Variants in HYDIN observed in about 807,000 individuals in gnomAD.
HYDIN encodes axonemal central pair apparatus protein HYDIN.
Under a neutral mutation model 403.9 loss-of-function variants are expected in HYDIN, and 132 were observed. That is an observed-to-expected ratio of 0.33 (90% CI 0.28 to 0.38). HYDIN has a LOEUF of 0.38. Ranked by LOEUF, HYDIN falls within the 10% of genes least tolerant of loss-of-function variation. The probability of loss-of-function intolerance (pLI) is 1.00; values close to 1 mark genes in which losing one functional copy is unlikely to be tolerated. For missense variants in HYDIN, 2,827 were observed against 5,009.5 expected (o/e 0.56, Z 13.15); for synonymous variants, 1,202 against 1,891.7 (o/e 0.64, Z 9.46).
At chr16:71,161,229 G>A (rs1203329866) in intron 6 of HYDIN, among the ~76,000 whole-genome samples, 1 of 151,088 alleles carries the variant, frequency 6.6e-6, no homozygotes, top group Non-Finnish European at 1.5e-5. Flanking sequence ...TCACAATAGG[G>A]TGTGTGCTCC....
intron 49 of HYDIN, among the ~76,000 whole-genome samples, chr16:70,907,703 C>T (rs1236921182): frequency 1.3e-5 from 2 of 152,134 alleles, no homozygotes; most frequent in Middle Eastern, 3.4e-3. Context: ...GTGGTGTCTT[C>T]TATAATGAGG....
chr16:70,830,815 G>A (rs2036928069), intron 80 of HYDIN, among the ~76,000 whole-genome samples: 1 of 152,170 alleles, frequency 6.6e-6, no homozygotes, highest in Admixed American at 6.5e-5. Flanking sequence ...TTCAGTGAGA[G>A]ATCGGGAGCT....
intron 60 of HYDIN, among the ~76,000 whole-genome samples, chr16:70,880,018 CCT>C (rs1416657682): frequency 3.7e-5 from 2 of 54,102 alleles, no homozygotes; most frequent in Admixed American, 2.0e-4. Context: ...CTACCCCACC[CCT>C]GTCAACTAAA....
chr16:70,842,731 C>G (rs1277860717), intron 75 of HYDIN, among the ~76,000 whole-genome samples: 1 of 151,984 alleles, frequency 6.6e-6, no homozygotes, highest in Non-Finnish European at 1.5e-5. Context: ...AATGTAATTA[C>G]TGATAAGGTA....
intron 18 of HYDIN, among the ~76,000 whole-genome samples, chr16:71,043,908 G>A (rs1452816340): frequency 6.7e-6 from 1 of 149,604 alleles, no homozygotes; most frequent in East Asian, 2.0e-4. Flanking sequence ...GGGTAAAATA[G>A]TGAGACCTCA....
chr16:71,037,699 C>T (rs2081138381), intron 18 of HYDIN, among the ~76,000 whole-genome samples: 1 of 151,902 alleles, frequency 6.6e-6, no homozygotes, highest in Non-Finnish European at 1.5e-5. Context: ...CGAGGGCCAC[C>T]AAAAAAACTG....
At chr16:70,846,352 T>C (rs547309057) in intron 75 of HYDIN, among the ~76,000 whole-genome samples, 2 of 151,452 alleles carry the variant, frequency 1.3e-5, no homozygotes, top group Admixed American at 6.6e-5. Context: ...TTGAGCGGCT[T>C]TGAGTGAGAT....
At chr16:71,041,799 A>G (rs2081294992) in intron 18 of HYDIN, among the ~76,000 whole-genome samples, 1 of 151,258 alleles carries the variant, frequency 6.6e-6, no homozygotes, top group African/African-American at 2.4e-5. Context: ...TAACAAGGAG[A>G]CACACATATA....
At position 71,148,214 on chromosome 16, in the gene HYDIN, C is replaced by T. The variant is rs533819532; in HGVS notation, c.841+4445G>A. ...TATTCAAGATTAAAAGTCTTAGAAA[C>T]CTAGAGATAGAAGGAAATTTTTTTA... On this transcript the variant is annotated intron_variant, in intron 7 of 85. Transcript: ENST00000393567. 3.0e-3 allele frequency among the ~76,000 whole-genome samples: 444 copies of T among 150,446 alleles called. 5 individuals carry two copies. The highest frequency in any genetic ancestry group is 4.2e-3 in the Non-Finnish European group (283 of 67,540).
At chr16:71,223,830 A>G (rs938137382) in intron 1 of HYDIN, among the ~76,000 whole-genome samples, 2 of 152,128 alleles carry the variant, frequency 1.3e-5, no homozygotes, top group Admixed American at 1.3e-4. Context: ...AAAACAATAG[A>G]TGTTGGTTGG....
At chr16:70,942,536 A>G (rs1044332159) in intron 42 of HYDIN, among the ~76,000 whole-genome samples, 36 of 152,190 alleles carry the variant, frequency 2.4e-4, no homozygotes, top group African/African-American at 7.5e-4. Context: ...CTTGGAGCGT[A>G]ATGATTTTGG....
At chr16:71,085,506 T>G (rs1350735038) in intron 12 of HYDIN, among the ~76,000 whole-genome samples, 1 of 151,344 alleles carries the variant, frequency 6.6e-6, no homozygotes, top group Non-Finnish European at 1.5e-5. Context: ...TCAACTCTTC[T>G]ATTTCCTTTG....
chr16:70,920,410 A>T (rs1242728324), intron 46 of HYDIN, among the ~76,000 whole-genome samples, 181 bp downstream of exon 46: 1 of 150,678 alleles, frequency 6.6e-6, no homozygotes, highest in Non-Finnish European at 1.5e-5. Flanking sequence ...TTTCCTATGA[A>T]TTTTCTCTTG....
At chr16:71,193,800 C>A (rs892225187) in intron 1 of HYDIN, among the ~76,000 whole-genome samples, 4 of 152,178 alleles carry the variant, frequency 2.6e-5, no homozygotes, top group African/African-American at 9.7e-5. Flanking sequence ...TCTATCATCT[C>A]TCTTTGCTTT....
At position 70,892,602 on chromosome 16, in the gene HYDIN, G is replaced by T; in HGVS notation, c.9249-73C>A. 3.9e-6 allele frequency: 6 copies of T among 1,521,824 alleles called. 1 individual carries two copies. In the South Asian group the frequency reaches 6.7e-5, roughly 17 times the overall value. 94.3% of individuals were successfully genotyped at this position (1,521,824 alleles called of 1,614,324 possible). A position where few individuals can be genotyped will look rare whatever the true frequency, so the allele number is the denominator to read the frequency against. Reference sequence around the variant, plus strand: ...TCAAGATCCCAGAGAGGAGACTCTAGATGGTTGAGTGCCTGCTGTGTTTCC... The same window carrying T: ...TCAAGATCCCAGAGAGGAGACTCTATATGGTTGAGTGCCTGCTGTGTTTCC... On this transcript the variant is annotated intron_variant, in intron 55 of 85. Transcript: ENST00000393567.
rs185038938 is a variant in HYDIN at position 70,940,905 on chromosome 16, G to A, written c.6853+731C>T. Among the ~76,000 whole-genome samples the A allele has an allele frequency of 4.7e-3, 718 of 152,360 alleles. 4 individuals are homozygous for A. Among genetic ancestry groups the A allele is most frequent in the African/African-American group, 0.016 (672 of 41,592 alleles). On this transcript the variant is annotated intron_variant, in intron 43 of 85. Coordinates refer to ENST00000393567, the MANE Select transcript of HYDIN (RefSeq NM_001270974.2). Reference sequence around the variant, plus strand: ...CCTGGGAGGTGGGGCTCTGACTCCCGTAGACAGCGCCACCAGCCTCTGTCC... The same window carrying A: ...CCTGGGAGGTGGGGCTCTGACTCCCATAGACAGCGCCACCAGCCTCTGTCC...
At chr16:71,021,326 C>T (rs1349674641) in intron 21 of HYDIN, among the ~76,000 whole-genome samples, 2 of 151,088 alleles carry the variant, frequency 1.3e-5, no homozygotes, top group Non-Finnish European at 3.0e-5. Flanking sequence ...AAGTGATTCT[C>T]TTGCCTCAGC....
Position 70,848,058 on chromosome 16 carries a change from T to C in HYDIN, c.12873+1668A>G, listed in dbSNP as rs550261580. ...GATTTTTTCTTTTTCTTTTCAACAA[T>C]TTTATCCCATCTGCCACAGCTGATT... On this transcript the variant is annotated intron_variant, in intron 75 of 85. Transcript: ENST00000393567. Among the ~76,000 whole-genome samples, 9 of 143,116 alleles carry C rather than the reference T, an allele frequency of 6.3e-5. No individual in the cohort carries two copies. The South Asian group carries it at 1.9e-3, about 31-fold the overall frequency. 93.9% of individuals were successfully genotyped at this position (143,116 alleles called of 152,430 possible).
intron 6 of HYDIN, among the ~76,000 whole-genome samples, chr16:71,156,846 T>A (rs1337940388): frequency 6.6e-6 from 1 of 152,122 alleles, no homozygotes; most frequent in Non-Finnish European, 1.5e-5. Context: ...ACTTTAATCA[T>A]CAAAGTTATT....
Sources: allele counts gnomAD v4.1 joint callset (sites outside exome capture counted in the v4.1 genomes callset), GRCh38; gene constraint gnomAD v4.1.1; transcripts MANE v1.5; gene names NCBI Gene and HGNC (gene_info 2026-07-23, HGNC 2026-07-21).